ZBTB20: variants seen among roughly 807,000 people sequenced by gnomAD.
ZBTB20 encodes the protein zinc finger and BTB domain containing 20.
ZBTB20 carries 9 observed loss-of-function variants against 56.9 expected under a neutral mutation model. The ratio of observed to expected loss-of-function variants is 0.16; its 90% CI spans 0.10 to 0.28. The LOEUF (loss-of-function observed/expected upper bound fraction) is 0.28, where lower values mean the gene tolerates loss of function less well. ZBTB20 is among the 10% of genes least tolerant of loss of function. The pLI is 1.00. For synonymous variants in ZBTB20, 417 were observed against 420.7 expected, an observed-to-expected ratio of 0.99 and a Z score of 0.11; for missense variants, 655 against 1,003.0, an observed-to-expected ratio of 0.65 and a Z score of 4.69.
intron 8 of ZBTB20, among the ~76,000 whole-genome samples, chr3:114,386,307 A>T (rs751678027): frequency 6.6e-6 from 1 of 151,522 alleles, no homozygotes. Flanking sequence ...CTGATTTATA[A>T]TTTTTTTTTC....
chr3:114,933,705 A>G (rs2076434971), intron 3 of ZBTB20, among the ~76,000 whole-genome samples: 1 of 152,122 alleles, frequency 6.6e-6, no homozygotes, highest in Non-Finnish European at 1.5e-5. Context: ...GGTCACATAC[A>G]CTCACAGATT....
intron 5 of ZBTB20, among the ~76,000 whole-genome samples, chr3:114,787,379 A>ACACACACACACAC (rs1395975671): frequency 2.7e-4 from 40 of 145,730 alleles, no homozygotes; most frequent in Non-Finnish European, 5.0e-4. Flanking sequence ...ACACACACAC[A>ACACACACACACAC]CACACACACA....
intron 1 of ZBTB20, among the ~76,000 whole-genome samples, chr3:115,128,825 C>T (rs893001313): frequency 6.6e-6 from 1 of 151,940 alleles, no homozygotes; most frequent in Admixed American, 6.6e-5. Context: ...TTTGGCAGGG[C>T]ACGGTGGCTC....
chr3:114,802,189 G>C (rs1000039838), intron 4 of ZBTB20, among the ~76,000 whole-genome samples: 1 of 151,788 alleles, frequency 6.6e-6, no homozygotes, highest in Non-Finnish European at 1.5e-5. Context: ...CAGCGTGGCA[G>C]AATACTTTCT....
intron 5 of ZBTB20, among the ~76,000 whole-genome samples, chr3:114,729,829 G>A (rs1057285210): frequency 6.6e-6 from 1 of 151,606 alleles, no homozygotes; most frequent in Non-Finnish European, 1.5e-5. Context: ...TTAGAGACAG[G>A]GTTTCACTCT....
intron 6 of ZBTB20, among the ~76,000 whole-genome samples, chr3:114,514,642 G>T (rs142113007): frequency 2.7e-3 from 412 of 152,216 alleles, no homozygotes; most frequent in Non-Finnish European, 5.3e-3. Flanking sequence ...TACTTTATTT[G>T]GTCACTGGGT....
At chr3:115,008,188 C>A (rs996223903) in intron 2 of ZBTB20, among the ~76,000 whole-genome samples, 4 of 151,848 alleles carry the variant, frequency 2.6e-5, no homozygotes, top group Admixed American at 6.6e-5. Flanking sequence ...TAGCTGAATG[C>A]CCCATAGATA....
intron 6 of ZBTB20, among the ~76,000 whole-genome samples, chr3:114,691,134 CT>C (rs1197165605): frequency 6.6e-6 from 1 of 152,112 alleles, no homozygotes; most frequent in Admixed American, 6.6e-5. Context: ...AGGCAACTCA[CT>C]GATGAGATTT....
intron 7 of ZBTB20, among the ~76,000 whole-genome samples, chr3:114,488,027 T>C (rs1428095025): frequency 6.6e-6 from 1 of 152,230 alleles, no homozygotes; most frequent in Non-Finnish European, 1.5e-5. Context: ...GGCAGAGCGC[T>C]GATGATAATT....
At position 114,629,785 on chromosome 3, in the gene ZBTB20, T is replaced by C. The variant is rs555150282; in HGVS notation, c.-295+63743A>G. ...CCATATAGCAATTTGAATAGAAAGT[T>C]AGTTTAAATTATTAATAATAACGGG... On this transcript the variant is annotated intron_variant, in intron 6 of 11. Transcript: ENST00000675478. Among the ~76,000 whole-genome samples, 6 of 152,276 alleles carry C rather than the reference T, an allele frequency of 3.9e-5. No homozygotes were observed. In the South Asian group the frequency reaches 1.2e-3, roughly 32 times the overall value.
At chr3:114,587,073 G>A (rs563507542) in intron 6 of ZBTB20, among the ~76,000 whole-genome samples, 9 of 143,788 alleles carry the variant, frequency 6.3e-5, no homozygotes, top group Non-Finnish European at 1.2e-4. Flanking sequence ...CTTGGCTCAC[G>A]GCAACCTCCA....
intron 6 of ZBTB20, among the ~76,000 whole-genome samples, chr3:114,675,323 A>G (rs889937852): frequency 5.5e-5 from 6 of 109,590 alleles, no homozygotes; most frequent in African/African-American, 1.8e-4. Flanking sequence ...GGATAAGGTT[A>G]CTGTGTTTTT....
chr3:114,698,675 C>T (rs1386899439), intron 5 of ZBTB20, among the ~76,000 whole-genome samples: 1 of 152,090 alleles, frequency 6.6e-6, no homozygotes, highest in Non-Finnish European at 1.5e-5. Context: ...TGTGTGTTTG[C>T]AAATGATGAC....
intron 11 of ZBTB20, among the ~76,000 whole-genome samples, chr3:114,344,230 T>C (rs1311836111): frequency 6.6e-6 from 1 of 152,328 alleles, no homozygotes; most frequent in East Asian, 1.9e-4. Flanking sequence ...AACTAAGATA[T>C]TTTAGTTTTA....
At chr3:115,017,134 C>G (rs2079999504) in intron 2 of ZBTB20, among the ~76,000 whole-genome samples, 1 of 151,670 alleles carries the variant, frequency 6.6e-6, no homozygotes, top group Non-Finnish European at 1.5e-5. Context: ...TAGAAAAGCA[C>G]ATCATCTCAG....
chr3:114,785,739 C>T (rs1211093093), intron 5 of ZBTB20, among the ~76,000 whole-genome samples: 1 of 152,042 alleles, frequency 6.6e-6, no homozygotes, highest in East Asian at 1.9e-4. Flanking sequence ...ATATCCATCA[C>T]CTCATATAGT....
At chr3:114,651,286 GAAGAC>G (rs1463875798) in intron 6 of ZBTB20, among the ~76,000 whole-genome samples, 6 of 151,908 alleles carry the variant, frequency 3.9e-5, no homozygotes, top group South Asian at 2.1e-4. Context: ...AGAAATGAAA[GAAGAC>G]AAGACCTGAT....
rs1312378134 is a variant in ZBTB20, at chr3:114,333,858, T to C, written c.*5147A>G. On this transcript the variant is annotated 3_prime_UTR_variant, in exon 12 of 12. Coordinates refer to ENST00000675478, the MANE Select transcript of ZBTB20 (RefSeq NM_001348800.3). ...TCCTAGTTTTGTGATTGGATGTTTC[T>C]TGGTTTAGCATTGTTTGGTGCTGAA... 1 of 152,242 alleles carries C rather than the reference T, an allele frequency of 6.6e-6. No individual in the cohort carries two copies. The highest frequency in any genetic ancestry group is 1.5e-5 in the Non-Finnish European group (1 of 68,048). The allele number at this position is 152,242 out of a possible 1,614,324, so 9.4% of individuals were successfully genotyped here.
At chr3:114,960,129 C>T (rs1226333512) in intron 3 of ZBTB20, among the ~76,000 whole-genome samples, 1 of 152,186 alleles carries the variant, frequency 6.6e-6, no homozygotes, top group African/African-American at 2.4e-5. Flanking sequence ...AAAGAAGCAT[C>T]TGCAAATGCA....
Sources: allele counts gnomAD v4.1 joint callset (sites outside exome capture counted in the v4.1 genomes callset), GRCh38; gene constraint gnomAD v4.1.1; transcripts MANE v1.5; gene names NCBI Gene and HGNC (gene_info 2026-07-23, HGNC 2026-07-21).